The following PCDH15 variants were observed in gnomAD, a reference collection of about 807,000 sequenced individuals.
The protein encoded by PCDH15 is protocadherin-15.
In PCDH15, 129 loss-of-function variants were observed where a neutral mutation model predicts 178.5. The observed-to-expected ratio is 0.72, with a 90% confidence interval of 0.63 to 0.84. The LOEUF is 0.84. PCDH15 is among the 40% of genes least tolerant of loss of function. The pLI is 0.00. For synonymous variants in PCDH15, 800 were observed against 732.0 expected, an observed-to-expected ratio of 1.09 and a Z score of -1.50; for missense variants, 2,230 against 2,099.9, an observed-to-expected ratio of 1.06 and a Z score of -1.21.
chr10:55,622,129 AT>A (rs1837413585), intron 2 of PCDH15, among the ~76,000 whole-genome samples: 5 of 61,936 alleles, frequency 8.1e-5, no homozygotes, highest in African/African-American at 3.0e-4. Context: ...AAATATATAT[AT>A]TATATATATT....
At chr10:53,992,719 C>T (rs1415874792) in intron 21 of PCDH15, among the ~76,000 whole-genome samples, 1 of 152,100 alleles carries the variant, frequency 6.6e-6, no homozygotes, top group African/African-American at 2.4e-5. Context: ...AAACGGTTAG[C>T]CATTTTTAAT....
chr10:54,608,064 C>A, intron 2 of PCDH15: 1 of 431,394 alleles, frequency 2.3e-6, no homozygotes, highest in Non-Finnish European at 4.4e-6. Context: ...AAATACTTTT[C>A]TTTGACAAAT....
intron 25 of PCDH15, among the ~76,000 whole-genome samples, chr10:53,926,620 G>A (rs77109241): frequency 4.9e-4 from 75 of 152,262 alleles, no homozygotes; most frequent in African/African-American, 1.6e-3. Context: ...CCAATTAGAA[G>A]AATTTTAAAT....
chr10:55,460,890 T>C (rs1417579612), intron 2 of PCDH15, among the ~76,000 whole-genome samples: 1 of 152,072 alleles, frequency 6.6e-6, no homozygotes, highest in Non-Finnish European at 1.5e-5. Context: ...TTTGATACTT[T>C]CAGGTCCTGA....
chr10:53,834,372 C>A (rs1471487589), intron 29 of PCDH15, among the ~76,000 whole-genome samples: 1 of 152,086 alleles, frequency 6.6e-6, no homozygotes, highest in Non-Finnish European at 1.5e-5. Context: ...GTTATATATT[C>A]TCCCTCTGGG....
intron 15 of PCDH15, 35 bp downstream of exon 15, chr10:54,132,840 T>C (rs567645770): frequency 1.5e-5 from 23 of 1,496,162 alleles, no homozygotes; most frequent in African/African-American, 4.2e-5. Context: ...TTAGAATTTA[T>C]ACACACACAC....
intron 26 of PCDH15, among the ~76,000 whole-genome samples, chr10:53,897,182 A>C (rs758232943): frequency 5.9e-5 from 6 of 101,240 alleles, no homozygotes; most frequent in Non-Finnish European, 1.3e-4. Context: ...TTCAACATAC[A>C]AGGTAATGCA....
At chr10:54,764,125 T>C (rs1265663403) in intron 1 of PCDH15, among the ~76,000 whole-genome samples, 3 of 151,984 alleles carry the variant, frequency 2.0e-5, no homozygotes, top group African/African-American at 7.2e-5. Flanking sequence ...TTTTCAGTGG[T>C]CTCTAAATGT....
intron 33 of PCDH15, among the ~76,000 whole-genome samples, 153 bp downstream of exon 33, chr10:53,820,012 T>TAC (rs1268668604): frequency 6.6e-6 from 1 of 152,048 alleles, no homozygotes; most frequent in Non-Finnish European, 1.5e-5. Context: ...TGTAGGTACC[T>TAC]ACACAAATAT....
chr10:54,046,636 A>T (rs1590100868), intron 18 of PCDH15, among the ~76,000 whole-genome samples: 1 of 152,094 alleles, frequency 6.6e-6, no homozygotes, highest in African/African-American at 2.4e-5. Context: ...CCAGGAAATT[A>T]ACATAGTGGT....
At position 54,789,612 on chromosome 10, in the gene PCDH15, G is replaced by A. The variant is rs576514921; in HGVS notation, c.-29+11313C>T. Among the ~76,000 whole-genome samples the A allele has an allele frequency of 1.7e-4, 26 of 151,960 alleles. No homozygotes were observed. In the Middle Eastern group the frequency reaches 0.017, roughly 99 times the overall value. On this transcript the variant is annotated intron_variant, in intron 1 of 37. Transcript: ENST00000644397. Reference sequence around the variant, plus strand: ...CATATTTATGATATGTTGACATTAAGATATTCAGTAAGCATATTGATGTTT... The same window carrying A: ...CATATTTATGATATGTTGACATTAAAATATTCAGTAAGCATATTGATGTTT...
intron 2 of PCDH15, among the ~76,000 whole-genome samples, chr10:55,559,926 A>C (rs1842162700): frequency 6.6e-6 from 1 of 151,976 alleles, no homozygotes; most frequent in South Asian, 2.1e-4. Context: ...TGATCACTAA[A>C]AAGGTCTCCA....
chr10:54,340,630 G>T (rs1049823500), intron 6 of PCDH15, among the ~76,000 whole-genome samples: 8 of 152,114 alleles, frequency 5.3e-5, no homozygotes, highest in Admixed American at 5.2e-4. Context: ...AAAAGTTTTA[G>T]AGCAGGAATG....
At chr10:54,410,098 T>A (rs1953270201) in intron 3 of PCDH15, among the ~76,000 whole-genome samples, 1 of 152,114 alleles carries the variant, frequency 6.6e-6, no homozygotes, top group South Asian at 2.1e-4. Flanking sequence ...GTATAACACA[T>A]CAATTAAAAT....
chr10:55,193,327 T>C (rs1009702953), intron 1 of PCDH15, among the ~76,000 whole-genome samples: 28 of 151,990 alleles, frequency 1.8e-4, no homozygotes, highest in African/African-American at 6.5e-4. Context: ...CTTGATTATA[T>C]TTAGATTTCA....
chr10:54,233,221 T>C (rs7080381), intron 9 of PCDH15, among the ~76,000 whole-genome samples: 1 of 152,126 alleles, frequency 6.6e-6, no homozygotes, highest in Non-Finnish European at 1.5e-5. Context: ...TGGAATTACA[T>C]GTGTGAGTCA....
chr10:53,846,393 G>C (rs1429792319), intron 28 of PCDH15, among the ~76,000 whole-genome samples: 1 of 151,800 alleles, frequency 6.6e-6, no homozygotes, highest in East Asian at 1.9e-4. Context: ...AACTTCTAAA[G>C]AAATACGTTA....
chr10:55,313,993 A>G (rs1244781497), intron 1 of PCDH15, among the ~76,000 whole-genome samples: 1 of 151,916 alleles, frequency 6.6e-6, no homozygotes, highest in Non-Finnish European at 1.5e-5. Flanking sequence ...CAGGAACATA[A>G]TCTTCCTTTT....
At chr10:54,978,928 C>A (rs1022368354) in intron 2 of PCDH15, among the ~76,000 whole-genome samples, 3 of 152,050 alleles carry the variant, frequency 2.0e-5, no homozygotes, top group Non-Finnish European at 4.4e-5. Context: ...TCATAGGGCA[C>A]CCCAGCTAAG....
Sources: allele counts gnomAD v4.1 joint callset (sites outside exome capture counted in the v4.1 genomes callset), GRCh38; gene constraint gnomAD v4.1.1; transcripts MANE v1.5; gene names NCBI Gene and HGNC (gene_info 2026-07-23, HGNC 2026-07-21).